EYA4: variants seen among roughly 807,000 people sequenced by gnomAD.
EYA4 encodes the protein protein phosphatase EYA4.
Under a neutral mutation model 87.9 loss-of-function variants are expected in EYA4, and 31 were observed. That is an observed-to-expected ratio of 0.35 (90% CI 0.27 to 0.48). The LOEUF (loss-of-function observed/expected upper bound fraction) is 0.48, where lower values mean the gene tolerates loss of function less well. EYA4 is among the 20% of genes least tolerant of loss of function. The pLI is 0.99. For synonymous variants in EYA4, 263 were observed against 270.6 expected, an observed-to-expected ratio of 0.97 and a Z score of 0.28; for missense variants, 678 against 761.4, an observed-to-expected ratio of 0.89 and a Z score of 1.29.
At chr6:133,353,504 A>G (rs1177335059) in intron 2 of EYA4, among the ~76,000 whole-genome samples, 2 of 152,116 alleles carry the variant, frequency 1.3e-5, no homozygotes, top group Non-Finnish European at 2.9e-5. Context: ...AAGTAACTCT[A>G]TATTTGTTCT....
chr6:133,351,317 A>G lies in EYA4; in HGVS notation c.34-31075A>G, dbSNP rs189105288. ...TGTCTTCTAGCTCCCTGTAAACTGC[A>G]TATTGTTAAGATTACAGCTTATTAA... On this transcript the variant is annotated intron_variant, in intron 2 of 19. Coordinates refer to ENST00000355286, the MANE Select transcript of EYA4 (RefSeq NM_004100.5). Among the ~76,000 whole-genome samples, 494 of 152,300 alleles carry G rather than the reference A, an allele frequency of 3.2e-3. 3 individuals are homozygous for G. Among genetic ancestry groups the G allele is most frequent in the African/African-American group, 0.011 (462 of 41,554 alleles).
intron 11 of EYA4, among the ~76,000 whole-genome samples, chr6:133,472,916 C>A (rs1315884023): frequency 1.3e-5 from 2 of 150,956 alleles, no homozygotes; most frequent in African/African-American, 2.4e-5. Flanking sequence ...AGGATTGCAA[C>A]CCCTGCCTTT....
At chr6:133,434,864 C>A (rs772986004) in intron 3 of EYA4, among the ~76,000 whole-genome samples, 5 of 152,136 alleles carry the variant, frequency 3.3e-5, no homozygotes, top group Non-Finnish European at 7.4e-5. Context: ...CAATTGATGG[C>A]ATTAAATGTT....
intron 1 of EYA4, among the ~76,000 whole-genome samples, chr6:133,263,056 G>T (rs1775925150): frequency 6.6e-6 from 1 of 152,160 alleles, no homozygotes. Context: ...CTTCCCGGGT[G>T]GTTGGAGCCA....
intron 2 of EYA4, among the ~76,000 whole-genome samples, chr6:133,280,691 G>T (rs776004017): frequency 1.3e-5 from 2 of 152,044 alleles, no homozygotes; most frequent in East Asian, 3.9e-4. Context: ...CACCGCGCCC[G>T]GCCAATAGTA....
At chr6:133,398,815 T>C (rs1396714581) in intron 3 of EYA4, among the ~76,000 whole-genome samples, 4 of 152,104 alleles carry the variant, frequency 2.6e-5, no homozygotes, top group African/African-American at 7.2e-5. Context: ...ATTGCCAACA[T>C]GCAGTGCCAA....
chr6:133,352,034 T>C (rs375495566), intron 2 of EYA4, among the ~76,000 whole-genome samples: 1 of 152,170 alleles, frequency 6.6e-6, no homozygotes, highest in East Asian at 1.9e-4. Context: ...CTCTTCTTTA[T>C]TTATTTGGTA....
chr6:133,450,756 C>G (rs972896894), intron 5 of EYA4, among the ~76,000 whole-genome samples: 1 of 152,218 alleles, frequency 6.6e-6, no homozygotes, highest in African/African-American at 2.4e-5. Context: ...GGTGATCTGA[C>G]TACCTAGGCC....
chr6:133,393,744 T>C (rs998604032), intron 3 of EYA4, among the ~76,000 whole-genome samples: 6 of 152,216 alleles, frequency 3.9e-5, no homozygotes, highest in African/African-American at 1.4e-4. Flanking sequence ...TTGGACTAAT[T>C]GCCTCTTTTG....
intron 3 of EYA4, among the ~76,000 whole-genome samples, chr6:133,399,290 C>A (rs1246223882): frequency 2.6e-5 from 4 of 152,022 alleles, no homozygotes; most frequent in African/African-American, 9.7e-5. Context: ...CACAAGTGAA[C>A]AGAAGGAAAT....
Position 133,353,614 on chromosome 6 carries a change from C to T in EYA4, c.34-28778C>T, listed in dbSNP as rs775282915. 2.6e-5 allele frequency among the ~76,000 whole-genome samples: 4 copies of T among 152,076 alleles called. 1 individual carries two copies. The South Asian group carries it at 6.2e-4, about 24-fold the overall frequency. On this transcript the variant is annotated intron_variant, in intron 2 of 19. Transcript: ENST00000355286. ...GAGATAAACGTGAAAATTCCAAGACCGGATTCTCTCACCTTATGTCTAGCA... is the reference window on the plus strand; with the variant it reads ...GAGATAAACGTGAAAATTCCAAGACTGGATTCTCTCACCTTATGTCTAGCA...
intron 2 of EYA4, among the ~76,000 whole-genome samples, chr6:133,345,473 AC>A (rs1486778647): frequency 6.6e-6 from 1 of 152,174 alleles, no homozygotes; most frequent in African/African-American, 2.4e-5. Flanking sequence ...TAAATCTAAG[AC>A]CTGCATCCTC....
chr6:133,417,879 C>T lies in EYA4; in HGVS notation c.84-28751C>T, dbSNP rs113645866. Among the ~76,000 whole-genome samples, 1,109 of 152,240 alleles carry T rather than the reference C, an allele frequency of 7.3e-3. 13 individuals are homozygous for T. The highest frequency in any genetic ancestry group is 0.025 in the African/African-American group (1,048 of 41,534). On this transcript the variant is annotated intron_variant, in intron 3 of 19. Transcript: ENST00000355286. ...AATTAAAATCTGTTCTTTCCACAGG[C>T]GCCCTTTCACTCACCCCAAGCATGT...
intron 1 of EYA4, among the ~76,000 whole-genome samples, chr6:133,246,680 A>G (rs142705759): frequency 1.3e-5 from 2 of 152,282 alleles, no homozygotes; most frequent in Non-Finnish European, 2.9e-5. Context: ...TAGTCTTTAG[A>G]TAATTACAAT....
At chr6:133,345,857 A>G (rs9493601) in intron 2 of EYA4, among the ~76,000 whole-genome samples, 8,228 of 152,298 alleles carry the variant, frequency 0.054, 719 homozygotes, top group African/African-American at 0.18. Flanking sequence ...TTTCTTCTGC[A>G]CACTGCTATG....
chr6:133,294,021 TTTTATATA>T (rs1428850109), intron 2 of EYA4, among the ~76,000 whole-genome samples: 395 of 35,658 alleles, frequency 0.011, 15 homozygotes, highest in African/African-American at 0.044. Context: ...CCTAGGGTGA[TTTTATATA>T]TATATATATA....
intron 4 of EYA4, 25 bp downstream of exon 4, chr6:133,446,779 C>T (rs770453359): frequency 1.2e-6 from 2 of 1,609,290 alleles, no homozygotes; most frequent in South Asian, 1.1e-5. Flanking sequence ...CTGAAGATAC[C>T]CAGAATCATA....
chr6:133,358,413 A>G (rs997538997), intron 2 of EYA4, among the ~76,000 whole-genome samples: 2 of 152,238 alleles, frequency 1.3e-5, no homozygotes, highest in Non-Finnish European at 2.9e-5. Context: ...TAATAAGTTA[A>G]TTTTAAAAAC....
At chr6:133,345,652 C>G (rs575925548) in intron 2 of EYA4, among the ~76,000 whole-genome samples, 2 of 152,160 alleles carry the variant, frequency 1.3e-5, no homozygotes, top group East Asian at 3.9e-4. Flanking sequence ...TAAAATAATA[C>G]TTTGGTTGTA....
Sources: allele counts gnomAD v4.1 joint callset (sites outside exome capture counted in the v4.1 genomes callset), GRCh38; gene constraint gnomAD v4.1.1; transcripts MANE v1.5; gene names NCBI Gene and HGNC (gene_info 2026-07-23, HGNC 2026-07-21).